The following RYK variants were observed in gnomAD, a reference collection of about 807,000 sequenced individuals.
RYK encodes receptor like tyrosine kinase.
In RYK, 21 loss-of-function variants were observed where a neutral mutation model predicts 70.2. The observed-to-expected ratio is 0.30, with a 90% CI of 0.21 to 0.43. The LOEUF is 0.43. Among genes scored for constraint, RYK ranks in the 20% least tolerant of loss-of-function variants. The pLI, the probability that RYK is intolerant of heterozygous loss-of-function variation, is 1.00. For synonymous variants in RYK, 267 were observed against 278.0 expected (o/e 0.96, Z 0.39); for missense variants, 604 against 753.3 (o/e 0.80, Z 2.32).
chr3:134,161,838 GTA>G (rs1345153813), intron 13 of RYK, among the ~76,000 whole-genome samples: 1 of 151,088 alleles, frequency 6.6e-6, no homozygotes, highest in Non-Finnish European at 1.5e-5. Context: ...ATATAAATCT[GTA>G]TTAGTTTTCT....
intron 8 of RYK, 69 bp downstream of exon 8, chr3:134,191,780 T>A: frequency 1.1e-5 from 14 of 1,315,944 alleles, no homozygotes; most frequent in Non-Finnish European, 1.4e-5. Context: ...TTTTTAAATT[T>A]TTGAAAAAAG....
chr3:134,191,901 C>T lies in RYK; in HGVS notation c.963G>A (p.Lys321=), dbSNP rs1368457899. The T allele has an allele frequency of 1.2e-6, 2 of 1,612,834 alleles. No individual in the cohort carries two copies. The highest frequency in any genetic ancestry group is 2.2e-5 in the East Asian group (1 of 44,844). Residue 321 remains lysine (K), a synonymous_variant, in exon 8 of 15, where the codon AAG becomes AAA. Coordinates refer to ENST00000623711, the MANE Select transcript of RYK (RefSeq NM_002958.4). The stretch of plus-strand genomic sequence containing the variant: ...TCCTCTCTCTGGATATTGCTATATC[C>T]TTCACCTTGCCTTTGGCCTCCAAAA... ...VTLLEAKGKV[K]DIAISRERIT... is the part of the protein sequence containing the mutation.
At chr3:134,220,638 T>C (rs1234245420) in intron 2 of RYK, among the ~76,000 whole-genome samples, 1 of 152,166 alleles carries the variant, frequency 6.6e-6, no homozygotes, top group Non-Finnish European at 1.5e-5. Flanking sequence ...TGAACAAAGA[T>C]GTTCTTAACA....
intron 2 of RYK, among the ~76,000 whole-genome samples, chr3:134,218,039 C>T (rs60306078): frequency 6.6e-6 from 1 of 152,104 alleles, no homozygotes; most frequent in African/African-American, 2.4e-5. Context: ...AAATTTTATA[C>T]CTGTTACAGA....
rs1347862369 is a variant in RYK, at chr3:134,175,969, C to T, written c.1376G>A (p.Arg459Lys). 1.2e-6 allele frequency: 2 copies of T among 1,610,164 alleles called. No homozygotes were observed. Among genetic ancestry groups the T allele is most frequent in the African/African-American group, 1.3e-5 (1 of 75,010 alleles). Residue 459 changes from arginine to lysine, a missense_variant, in exon 12 of 15, where the codon AGG becomes AAG. By Grantham distance (26) the Arg-to-Lys change is conservative (BLOSUM62 2). Coordinates refer to ENST00000623711, the MANE Select transcript of RYK (RefSeq NM_002958.4). The stretch of plus-strand genomic sequence containing the variant: ...AGCCAGGTCTTTGTGGATGACTTCC[C>T]TTCTGGCCAGGTAGCTCATTCCACA... ...IACGMSYLAR[R>K]EVIHKDLAAR...
chr3:134,237,408 T>C (rs1336062757), intron 1 of RYK, among the ~76,000 whole-genome samples: 1 of 152,206 alleles, frequency 6.6e-6, no homozygotes, highest in African/African-American at 2.4e-5. Context: ...GCTGGGGTCT[T>C]AGTTTACTTG....
chr3:134,185,829 CT>C (rs2013442124), intron 9 of RYK, among the ~76,000 whole-genome samples: 3 of 152,082 alleles, frequency 2.0e-5, no homozygotes, highest in African/African-American at 7.2e-5. Flanking sequence ...TTTATACTTA[CT>C]TTTTTCAAGT....
chr3:134,159,462 A>G, intron 13 of RYK, 89 bp from the exon 14 acceptor site: 1 of 1,265,398 alleles, frequency 7.9e-7, no homozygotes, highest in African/African-American at 1.5e-5. Context: ...ACAAAAAATA[A>G]CAGCTCAACT....
intron 1 of RYK, among the ~76,000 whole-genome samples, chr3:134,227,684 T>C (rs901922521): frequency 3.3e-5 from 5 of 152,066 alleles, no homozygotes; most frequent in Admixed American, 3.3e-4. Context: ...TTTTTATTTT[T>C]TTTTAAGATG....
intron 1 of RYK, among the ~76,000 whole-genome samples, chr3:134,239,411 G>A (rs1041432813): frequency 1.3e-5 from 2 of 152,058 alleles, no homozygotes; most frequent in African/African-American, 2.4e-5. Flanking sequence ...GCAGTGAGCC[G>A]TAACTGCATC....
At chr3:134,204,692 G>C (rs941097476) in intron 5 of RYK, among the ~76,000 whole-genome samples, 13 of 151,742 alleles carry the variant, frequency 8.6e-5, no homozygotes, top group African/African-American at 3.1e-4. Flanking sequence ...CAGAGTGGAA[G>C]ATGCAAACAG....
chr3:134,248,794 G>C (rs1026678774), intron 1 of RYK, among the ~76,000 whole-genome samples: 1 of 151,922 alleles, frequency 6.6e-6, no homozygotes, highest in African/African-American at 2.4e-5. Flanking sequence ...GCGAGACTCC[G>C]TCTAAAAAAA....
At chr3:134,240,817 G>C (rs773837634) in intron 1 of RYK, among the ~76,000 whole-genome samples, 3 of 152,192 alleles carry the variant, frequency 2.0e-5, no homozygotes, top group Non-Finnish European at 4.4e-5. Flanking sequence ...CACAAAAAAA[G>C]GCTGAGAACC....
intron 5 of RYK, 139 bp downstream of exon 5, chr3:134,207,333 C>T: frequency 2.1e-6 from 1 of 484,900 alleles, no homozygotes; most frequent in Non-Finnish European, 3.6e-6. Flanking sequence ...CACCAGTCTA[C>T]AAAGCACCAG....
At chr3:134,248,461 C>A (rs2015527509) in intron 1 of RYK, among the ~76,000 whole-genome samples, 1 of 152,166 alleles carries the variant, frequency 6.6e-6, no homozygotes, top group Non-Finnish European at 1.5e-5. Context: ...CTTCTACAGA[C>A]AAAATCTTCA....
chr3:134,181,736 A>G (rs2013301553), intron 10 of RYK: 3 of 152,218 alleles, frequency 2.0e-5, no homozygotes, highest in Non-Finnish European at 4.4e-5. Flanking sequence ...TGTTGACTCT[A>G]TATAGTGCTT....
At chr3:134,219,850 G>A (rs1010365486) in intron 2 of RYK, among the ~76,000 whole-genome samples, 1 of 152,190 alleles carries the variant, frequency 6.6e-6, no homozygotes, top group South Asian at 2.1e-4. Flanking sequence ...GCTGAAATAC[G>A]AAACTAGTTC....
intron 6 of RYK, among the ~76,000 whole-genome samples, chr3:134,201,282 T>C (rs796185373): frequency 2.0e-4 from 31 of 152,272 alleles, no homozygotes; most frequent in African/African-American, 6.3e-4. Flanking sequence ...CACACAGAAA[T>C]GGAAAATAAA....
rs559718506 is a variant in RYK, at chr3:134,224,273, G to T, written c.233-1734C>A. On this transcript the variant is annotated intron_variant, in intron 1 of 14. Transcript: ENST00000623711. ...TGAGTCATCTCCAATGATAGGTAAGGTCACATAAGTCACGTGTCCGACGGA... is the reference window on the plus strand; with the variant it reads ...TGAGTCATCTCCAATGATAGGTAAGTTCACATAAGTCACGTGTCCGACGGA... Among the ~76,000 whole-genome samples, 9 of 152,288 alleles carry T rather than the reference G, an allele frequency of 5.9e-5. No individual in the cohort carries two copies. The South Asian group carries it at 1.7e-3, about 28-fold the overall frequency.
Sources: gnomAD v4.1 joint callset for allele counts (sites outside exome capture counted in the v4.1 genomes callset) on GRCh38, gnomAD v4.1.1 for gene constraint, MANE v1.5 for transcripts, NCBI Gene and HGNC (gene_info 2026-07-23, HGNC 2026-07-21) for gene names.